The following VRK2 variants were observed in gnomAD, a reference collection of about 807,000 sequenced individuals.
The protein encoded by VRK2 is VRK serine/threonine kinase 2.
In VRK2, 60 loss-of-function variants were observed where a neutral mutation model predicts 57.6. The observed-to-expected ratio is 1.04, with a 90% CI of 0.85 to 1.29. The LOEUF is 1.29. Among genes scored for constraint, VRK2 ranks in the 50% most tolerant of loss-of-function variants. The pLI is 0.00. For missense variants in VRK2, 705 were observed against 588.1 expected (o/e 1.20, Z -2.06); for synonymous variants, 231 against 199.2 (o/e 1.16, Z -1.35).
At chr2:58,066,232 C>G (rs1668589915) in intron 2 of VRK2, among the ~76,000 whole-genome samples, 1 of 152,126 alleles carries the variant, frequency 6.6e-6, no homozygotes, top group Non-Finnish European at 1.5e-5. Context: ...GTGATGTTAA[C>G]TGTAGGTTTT....
chr2:58,157,049 CT>C (rs1335502152), intron 12 of VRK2, among the ~76,000 whole-genome samples: 2 of 152,220 alleles, frequency 1.3e-5, no homozygotes, highest in African/African-American at 2.4e-5. Flanking sequence ...TCTGTTCAGG[CT>C]TTTTTGGCCT....
intron 12 of VRK2, among the ~76,000 whole-genome samples, chr2:58,152,705 T>A (rs1683251171): frequency 6.6e-6 from 1 of 151,954 alleles, no homozygotes; most frequent in African/African-American, 2.4e-5. Context: ...TTTTTTTTTG[T>A]AGTGGTGGAT....
In VRK2 at chr2:57,990,676, A is replaced by G. The variant is rs375733227; in HGVS notation, c.-438-34989A>G. The stretch of plus-strand genomic sequence containing the variant: ...AATCAATTAAAGAGAAGAACTCATT[A>G]AATAAAAACTTTTGTCCATTTTTTG... On this transcript the variant is annotated intron_variant, in intron 1 of 15. Coordinates refer to the VRK2 transcript ENST00000417641. Among the ~76,000 whole-genome samples the G allele has an allele frequency of 6.6e-5, 10 of 152,232 alleles. No individual in the cohort carries two copies. The East Asian group carries it at 1.7e-3, about 26-fold the overall frequency.
rs147043070 is a variant in VRK2, at chr2:58,047,281, C to G, written c.-6+413C>G. 2,039 of 390,264 alleles carry G rather than the reference C, an allele frequency of 5.2e-3. 9 individuals are homozygous for G. The highest frequency in any genetic ancestry group is 6.5e-3 in the Non-Finnish European group (1,846 of 285,862). 24.2% of individuals were successfully genotyped at this position (390,264 alleles called of 1,614,324 possible). On this transcript the variant is annotated intron_variant, in intron 1 of 12. Coordinates refer to ENST00000340157, the MANE Select transcript of VRK2 (RefSeq NM_006296.7). ...CGTTACCTTCCGCAGGGTCAGGGGCCGCGGCGGGGTTGGAGGTCAGCCCAG... is the reference window on the plus strand; with the variant it reads ...CGTTACCTTCCGCAGGGTCAGGGGCGGCGGCGGGGTTGGAGGTCAGCCCAG...
At chr2:57,926,267 A>G (rs1179809648) in intron 1 of VRK2, among the ~76,000 whole-genome samples, 3 of 151,786 alleles carry the variant, frequency 2.0e-5, no homozygotes, top group Non-Finnish European at 2.9e-5. Flanking sequence ...GATTAAGTCT[A>G]ATGCTTTTTT....
intron 12 of VRK2, among the ~76,000 whole-genome samples, chr2:58,157,594 C>G (rs939892080): frequency 1.3e-5 from 2 of 152,098 alleles, no homozygotes; most frequent in African/African-American, 4.8e-5. Flanking sequence ...GGTGTGCAGA[C>G]CAGCTGTATT....
chr2:57,918,101 T>C (rs1283269419), intron 1 of VRK2, among the ~76,000 whole-genome samples: 1 of 152,044 alleles, frequency 6.6e-6, no homozygotes, highest in Non-Finnish European at 1.5e-5. Context: ...AAAAACAAAA[T>C]ACATTGCAAA....
chr2:58,155,759 C>A, intron 12 of VRK2, among the ~76,000 whole-genome samples: 1 of 120,890 alleles, frequency 8.3e-6, no homozygotes, highest in East Asian at 2.8e-4. Flanking sequence ...CCCCCACCAT[C>A]CCCCCCACCC....
chr2:58,068,017 C>A (rs985172011), intron 2 of VRK2, among the ~76,000 whole-genome samples: 1 of 151,912 alleles, frequency 6.6e-6, no homozygotes, highest in African/African-American at 2.4e-5. Flanking sequence ...GCAGCCTGCA[C>A]CTCCTGGGTT....
At chr2:58,038,657 G>T (rs755412355) in intron 3 of VRK2, among the ~76,000 whole-genome samples, 4 of 151,964 alleles carry the variant, frequency 2.6e-5, no homozygotes, top group Non-Finnish European at 5.9e-5. Context: ...CATTTCTTTT[G>T]TCTAGTCACT....
intron 7 of VRK2, among the ~76,000 whole-genome samples, chr2:58,101,385 C>T (rs1673937967): frequency 6.6e-6 from 1 of 151,508 alleles, no homozygotes. Flanking sequence ...TACTTAAATA[C>T]TTTAGTATGT....
chr2:57,921,760 C>G (rs968564380), intron 1 of VRK2, among the ~76,000 whole-genome samples: 1 of 151,994 alleles, frequency 6.6e-6, no homozygotes, highest in Non-Finnish European at 1.5e-5. Flanking sequence ...CAGAATTAGC[C>G]ATAAGCTAGG....
intron 8 of VRK2, 146 bp from the exon 9 acceptor site, chr2:58,131,662 T>A: frequency 9.7e-7 from 1 of 1,033,378 alleles, no homozygotes; most frequent in Non-Finnish European, 1.3e-6. Context: ...TGCTTGGGCG[T>A]TTAAGTTTTA....
chr2:58,022,481 A>C (rs1673787995), intron 1 of VRK2, among the ~76,000 whole-genome samples: 1 of 152,224 alleles, frequency 6.6e-6, no homozygotes, highest in African/African-American at 2.4e-5. Flanking sequence ...CAGATTTTGT[A>C]AAAGTTGAGG....
chr2:57,963,898 T>G (rs978330525), intron 1 of VRK2, among the ~76,000 whole-genome samples: 1 of 152,248 alleles, frequency 6.6e-6, no homozygotes, highest in Non-Finnish European at 1.5e-5. Flanking sequence ...CCTGTTTGTT[T>G]AATGACATTC....
At chr2:58,055,713 A>G (rs1245014411) in intron 2 of VRK2, among the ~76,000 whole-genome samples, 1 of 152,214 alleles carries the variant, frequency 6.6e-6, no homozygotes, top group African/African-American at 2.4e-5. Flanking sequence ...GGTGGCAGGC[A>G]GCTCTTTTCA....
chr2:58,121,632 T>C (rs1475775236), intron 7 of VRK2, among the ~76,000 whole-genome samples: 1 of 152,216 alleles, frequency 6.6e-6, no homozygotes. Flanking sequence ...AAAATATCTC[T>C]TACTGAGCCT....
At chr2:58,086,487 G>C in intron 5 of VRK2, 61 bp downstream of exon 5, 1 of 1,383,488 alleles carries the variant, frequency 7.2e-7, no homozygotes. Context: ...TGGTCTATGA[G>C]TTAACTATTG....
At chr2:58,030,020 G>C (rs915946887) in intron 2 of VRK2, among the ~76,000 whole-genome samples, 15 of 152,072 alleles carry the variant, frequency 9.9e-5, no homozygotes, top group African/African-American at 1.7e-4. Context: ...TAGCAACTCA[G>C]TTTAGCCTCA....
Sources: allele counts gnomAD v4.1 joint callset (sites outside exome capture counted in the v4.1 genomes callset), GRCh38; gene constraint gnomAD v4.1.1; transcripts MANE v1.5; gene names NCBI Gene and HGNC (gene_info 2026-07-23, HGNC 2026-07-21).